The following ANO5 variants were observed in gnomAD, a reference collection of about 807,000 sequenced individuals.
ANO5 encodes the protein anoctamin 5, also known as anoctamin-5.
ANO5 carries 109 observed loss-of-function variants against 121.0 expected under a neutral mutation model. The observed-to-expected ratio is 0.90, with a 90% CI of 0.77 to 1.06. The LOEUF (loss-of-function observed/expected upper bound fraction) is 1.06. Among genes scored for constraint, ANO5 ranks in the 50% least tolerant of loss-of-function variants. ANO5 has a pLI of 0.00. For missense variants in ANO5, 1,064 were observed against 1,078.5 expected (o/e 0.99, Z 0.19); for synonymous variants, 406 against 359.9 (o/e 1.13, Z -1.45).
rs1852269437 is a variant in ANO5, at chr11:22,211,327, C to T, written c.138+13C>T. The T allele has an allele frequency of 6.2e-7, 1 of 1,610,730 alleles. No homozygotes were observed. Among genetic ancestry groups the T allele is most frequent in the African/African-American group, 1.3e-5 (1 of 74,762 alleles). On this transcript the variant is annotated intron_variant, in intron 3 of 21. Transcript: ENST00000324559. ...TGAAGAAACAATGGTAAGCAGCGAC[C>T]AGTACTATCCTTTCTTGCATGGACA...
intron 2 of ANO5, among the ~76,000 whole-genome samples, chr11:22,210,267 T>C (rs1852236861): frequency 6.6e-6 from 1 of 151,824 alleles, no homozygotes; most frequent in Non-Finnish European, 1.5e-5. Flanking sequence ...AATTGTACAT[T>C]TTCAAAATTA....
At chr11:22,275,145 T>C (rs1320191090) in intron 20 of ANO5, among the ~76,000 whole-genome samples, 1 of 151,960 alleles carries the variant, frequency 6.6e-6, no homozygotes, top group Non-Finnish European at 1.5e-5. Context: ...ATCTTTGTCC[T>C]CAGAAAAGAG....
At chr11:22,203,383 G>C (rs906712707) in intron 1 of ANO5, among the ~76,000 whole-genome samples, 1 of 152,008 alleles carries the variant, frequency 6.6e-6, no homozygotes, top group Non-Finnish European at 1.5e-5. Flanking sequence ...AACTGGTAGT[G>C]TTCTATATAC....
Position 22,262,207 on chromosome 11 carries a change from C to T in ANO5, c.1709C>T (p.Ser570Leu), listed in dbSNP as rs765262083. 5 of 1,613,730 alleles carry T rather than the reference C, an allele frequency of 3.1e-6. No individual in the cohort carries two copies. The African/African-American group carries it at 6.7e-5, about 22-fold the overall frequency. ...MFLFQFVNFY[S>L]SCFYVAFFKG... ...CTGTTTCAGTTTGTAAATTTTTACT[C>T]ATCCTGCTTCTACGTAGCTTTCTTT... is the stretch of plus-strand genomic sequence containing the variant. Residue 570 changes from serine to leucine, a missense_variant, in exon 16 of 22, where the codon TCA (serine) becomes TTA (leucine). By Grantham distance (145) the Ser-to-Leu change is moderately radical. Coordinates refer to ENST00000324559, the MANE Select transcript of ANO5 (RefSeq NM_213599.3).
chr11:22,269,483 GGAAAGAA>G (rs1346274434), intron 17 of ANO5, among the ~76,000 whole-genome samples: 2,047 of 10,594 alleles, frequency 0.19, 80 homozygotes, highest in African/African-American at 0.48. Context: ...AGAAAAGAAA[GGAAAGAA>G]AAAAGAAAAG....
At chr11:22,240,155 C>T (rs1339326011) in intron 9 of ANO5, among the ~76,000 whole-genome samples, 2 of 151,828 alleles carry the variant, frequency 1.3e-5, no homozygotes, top group African/African-American at 4.8e-5. Flanking sequence ...GAACATAAGA[C>T]AAAGGTTGTG....
Position 22,193,230 on chromosome 11 carries a change from C to G in ANO5, c.-263C>G. On this transcript the variant is annotated 5_prime_UTR_variant, in exon 1 of 22. Coordinates refer to ENST00000324559, the MANE Select transcript of ANO5 (RefSeq NM_213599.3). ...GTGGGGAAGCGCAGGGCCAAGCGCG[C>G]GAAGCAGGTTGTGGGGGACCGGGTC... The G allele has an allele frequency of 9.2e-7, 1 of 1,088,798 alleles. No homozygotes were observed. Among genetic ancestry groups the G allele is most frequent in the South Asian group, 3.1e-5 (1 of 31,932 alleles). The allele number at this position is 1,088,798 out of a possible 1,614,324, so 67.4% of individuals were successfully genotyped here.
At position 22,236,207 on chromosome 11, in the gene ANO5, GA is replaced by G. The variant is rs1187037268; in HGVS notation, c.695del (p.Lys232ArgfsTer10). ...SRCPFGIEDGKKRFGIERLLN... is the reference protein window; with the variant it reads ...SRCPFGIEDGXKRFGIERLLN... ...GATGTCCTTTTGGCATAGAAGATGG[GA>G]AGAAAAGGTTTGGGATTGAAAGACT... is the stretch of plus-strand genomic sequence containing the variant. On this transcript the variant is annotated frameshift_variant, in exon 8 of 22. Transcript: ENST00000324559. LOFTEE classifies it high-confidence loss of function. 6.2e-7 allele frequency: 1 copy of G among 1,613,400 alleles called. No individual in the cohort carries two copies. The highest frequency in any genetic ancestry group is 1.1e-5 in the South Asian group (1 of 91,066).
chr11:22,240,810 T>G, intron 9 of ANO5, among the ~76,000 whole-genome samples: 1 of 20,490 alleles, frequency 4.9e-5, no homozygotes, highest in African/African-American at 7.8e-5. Context: ...AGCAGAAACA[T>G]TTTTTTTTCT....
intron 7 of ANO5, among the ~76,000 whole-genome samples, chr11:22,232,137 G>C (rs912391684): frequency 6.6e-6 from 1 of 151,980 alleles, no homozygotes. Context: ...ATGTGTTGTT[G>C]GTAGTCTGGC....
intron 7 of ANO5, among the ~76,000 whole-genome samples, chr11:22,232,394 C>T (rs893868327): frequency 2.2e-4 from 34 of 151,930 alleles, no homozygotes; most frequent in African/African-American, 7.7e-4. Context: ...TGTCAATTTG[C>T]AGTAGTTATT....
intron 6 of ANO5, 89 bp downstream of exon 6, chr11:22,226,141 TG>T: frequency 1.9e-6 from 2 of 1,067,640 alleles, no homozygotes; most frequent in Non-Finnish European, 2.9e-6. Context: ...ACTCTGTGTT[TG>T]GGGGCAATAC....
chr11:22,258,569 A>C (rs2133734263), intron 14 of ANO5, among the ~76,000 whole-genome samples: 1 of 152,336 alleles, frequency 6.6e-6, no homozygotes, highest in Admixed American at 6.5e-5. Flanking sequence ...CAATATGGGA[A>C]GTATACAAAA....
intron 16 of ANO5, among the ~76,000 whole-genome samples, chr11:22,262,593 G>A (rs1377255948): frequency 6.6e-6 from 1 of 152,194 alleles, no homozygotes; most frequent in Admixed American, 6.5e-5. Flanking sequence ...ATTACTTTCT[G>A]TAGAAATGGT....
chr11:22,282,398 C>T lies in ANO5; in HGVS notation c.*2633C>T, dbSNP rs982211637. On this transcript the variant is annotated 3_prime_UTR_variant, in exon 22 of 22. Coordinates refer to ENST00000324559, the MANE Select transcript of ANO5 (RefSeq NM_213599.3). ...AGGATTGTTTTACTTAAATGAAATG[C>T]TGTCTTATTTTTGCTGTGTCTTTTG... 30 of 152,140 alleles carry T rather than the reference C, an allele frequency of 2.0e-4. No homozygotes were observed. Among genetic ancestry groups the T allele is most frequent in the African/African-American group, 7.2e-4 (30 of 41,434 alleles). 9.4% of individuals were successfully genotyped at this position (152,140 alleles called of 1,614,324 possible). A position where few individuals can be genotyped will look rare whatever the true frequency, so the allele number is the denominator to read the frequency against.
chr11:22,235,101 T>C (rs1159488649), intron 7 of ANO5, among the ~76,000 whole-genome samples: 2 of 152,128 alleles, frequency 1.3e-5, no homozygotes, highest in African/African-American at 4.8e-5. Context: ...GTAGTCCCTC[T>C]CCATCTTTTG....
rs970967500 is a variant in ANO5, at chr11:22,282,391, T to C, written c.*2626T>C. The C allele has an allele frequency of 1.3e-5, 2 of 152,184 alleles. No homozygotes were observed. Among genetic ancestry groups the C allele is most frequent in the African/African-American group, 4.8e-5 (2 of 41,456 alleles). 9.4% of individuals were successfully genotyped at this position (152,184 alleles called of 1,614,324 possible). ...TTAAGAAAGGATTGTTTTACTTAAA[T>C]GAAATGCTGTCTTATTTTTGCTGTG... On this transcript the variant is annotated 3_prime_UTR_variant, in exon 22 of 22. Transcript: ENST00000324559.
chr11:22,260,533 A>G lies in ANO5; in HGVS notation c.1630+792A>G, dbSNP rs78506774. 4.9e-4 allele frequency among the ~76,000 whole-genome samples: 74 copies of G among 152,280 alleles called. 4 individuals carry two copies. The East Asian group carries it at 0.014, about 29-fold the overall frequency. ...CATTATATACTATCTTCAAATTTGG[A>G]GTTCTCTCCCATTTTTACTTTTCTC... On this transcript the variant is annotated intron_variant, in intron 15 of 21. Transcript: ENST00000324559.
At chr11:22,271,587 T>C (rs1854613598) in intron 18 of ANO5, among the ~76,000 whole-genome samples, 3 of 152,350 alleles carry the variant, frequency 2.0e-5, no homozygotes, top group Middle Eastern at 3.4e-3. Flanking sequence ...TTTGCACATA[T>C]GTACATCAGA....
Sources: gnomAD v4.1 joint callset for allele counts (sites outside exome capture counted in the v4.1 genomes callset) on GRCh38, gnomAD v4.1.1 for gene constraint, MANE v1.5 for transcripts, NCBI Gene and HGNC (gene_info 2026-07-23, HGNC 2026-07-21) for gene names.